DLC1: variants seen among roughly 807,000 people sequenced by gnomAD.
DLC1 encodes rho GTPase-activating protein 7.
A neutral mutation model predicts 140.3 loss-of-function variants in DLC1; 54 were observed. That is an observed-to-expected ratio of 0.38 (90% CI 0.31 to 0.48). DLC1 has a LOEUF of 0.48. Among genes scored for constraint, DLC1 ranks in the 20% least tolerant of loss-of-function variants. The pLI is 0.96. For missense variants in DLC1, 2,536 were observed against 1,907.0 expected, an observed-to-expected ratio of 1.33 and a Z score of -6.14; for synonymous variants, 986 against 728.1, an observed-to-expected ratio of 1.35 and a Z score of -5.70.
At position 13,099,470 on chromosome 8, in the gene DLC1, T is replaced by C; in HGVS notation, c.2867A>G (p.Asn956Ser). Residue 956 changes from asparagine to serine, a missense_variant, in exon 9 of 18, where the codon AAC becomes AGC. Physicochemically the swap from Asn to Ser is conservative, Grantham distance 46 (BLOSUM62 1). Transcript: ENST00000276297. ...SPKQIHLDVD[N>S]DRTTPSDLDS... ...CAGGTCGCTGGGTGTGGTTCGGTCG[T>C]TGTCCACATCCAGGTGTATCTGTTT... The C allele has an allele frequency of 1.2e-6, 2 of 1,614,124 alleles. No homozygotes were observed. The highest frequency in any genetic ancestry group is 1.7e-6 in the Non-Finnish European group (2 of 1,180,022).
intron 5 of DLC1, chr8:13,116,338 C>T (rs1820556409): frequency 6.8e-6 from 4 of 586,538 alleles, no homozygotes; most frequent in Admixed American, 6.3e-5. Context: ...AACAGAAAGG[C>T]CAAGAGCAAC....
rs915568181 is a variant in DLC1 at position 13,531,596 on chromosome 8, C to G, written c.-125-31400G>C. Among the ~76,000 whole-genome samples the G allele has an allele frequency of 2.2e-5, 3 of 138,414 alleles. No homozygotes were observed. The East Asian group carries it at 5.8e-4, about 27-fold the overall frequency. 90.8% of individuals were successfully genotyped at this position (138,414 alleles called of 152,430 possible). ...GTGAGACTGTCTAAAAACAAACAAA[C>G]CAAAAAACCCTTAATACTAGCAACT... On this transcript the variant is annotated intron_variant, in intron 1 of 1. Transcript: ENST00000631382.
intron 1 of DLC1, among the ~76,000 whole-genome samples, chr8:13,545,925 C>G (rs1332125797): frequency 1.3e-5 from 2 of 151,904 alleles, no homozygotes; most frequent in South Asian, 2.1e-4. Context: ...ATTTTTGCAG[C>G]CTTAAACATA....
intron 4 of DLC1, among the ~76,000 whole-genome samples, chr8:13,372,777 T>C (rs993600846): frequency 6.6e-6 from 1 of 152,204 alleles, no homozygotes; most frequent in Non-Finnish European, 1.5e-5. Flanking sequence ...GTTTTATTTA[T>C]ATAGAAAAGG....
chr8:13,449,681 G>C (rs1460753098), intron 2 of DLC1, among the ~76,000 whole-genome samples: 1 of 147,100 alleles, frequency 6.8e-6, no homozygotes, highest in Admixed American at 6.8e-5. Flanking sequence ...GGGGTGGGGG[G>C]ATGGGGGAGG....
At chr8:13,307,519 T>C (rs948870910) in intron 4 of DLC1, among the ~76,000 whole-genome samples, 1 of 152,238 alleles carries the variant, frequency 6.6e-6, no homozygotes, top group African/African-American at 2.4e-5. Flanking sequence ...ATGTATTAAA[T>C]GTTAAGTCTA....
intron 4 of DLC1, among the ~76,000 whole-genome samples, chr8:13,334,673 GA>G (rs1426777457): frequency 6.6e-6 from 1 of 152,140 alleles, no homozygotes; most frequent in African/African-American, 2.4e-5. Flanking sequence ...GTCATTTGAA[GA>G]AAAGAGAAGA....
chr8:13,461,489 A>G lies in DLC1; in HGVS notation c.1023+37560T>C, dbSNP rs772387485. Among the ~76,000 whole-genome samples the G allele has an allele frequency of 6.6e-4, 101 of 152,118 alleles. 1 individual carries two copies. Among genetic ancestry groups the G allele is most frequent in the Non-Finnish European group, 1.1e-3 (76 of 68,014 alleles). Reference sequence around the variant, plus strand: ...GCAGGCCTCTGCCTTTAGGTGATAAACACTGTGGAGTCTATCAACTTCCAT... The same window carrying G: ...GCAGGCCTCTGCCTTTAGGTGATAAGCACTGTGGAGTCTATCAACTTCCAT... On this transcript the variant is annotated intron_variant, in intron 2 of 17. Coordinates refer to ENST00000276297, the MANE Select transcript of DLC1 (RefSeq NM_182643.3).
rs17090855 is a variant in DLC1 at position 13,314,866 on chromosome 8, C to A, written c.1315-9564G>T. Among the ~76,000 whole-genome samples, 5 of 152,152 alleles carry A rather than the reference C, an allele frequency of 3.3e-5. No individual in the cohort carries two copies. In the South Asian group the frequency reaches 6.2e-4, roughly 19 times the overall value. ...GGCTCTTGGCTGGAGCCCAGAAACA[C>A]TTTTATTACAGGGAGATATTCATTG... On this transcript the variant is annotated intron_variant, in intron 4 of 17. Transcript: ENST00000276297.
intron 1 of DLC1, among the ~76,000 whole-genome samples, chr8:13,508,484 C>G (rs1401401297): frequency 6.6e-6 from 1 of 151,040 alleles, no homozygotes; most frequent in Non-Finnish European, 1.5e-5. Flanking sequence ...GTGGCGCGAT[C>G]TGGGCTCACT....
At chr8:13,105,113 T>A (rs1031067014) in intron 7 of DLC1, among the ~76,000 whole-genome samples, 3 of 152,198 alleles carry the variant, frequency 2.0e-5, no homozygotes, top group Non-Finnish European at 1.5e-5. Flanking sequence ...CAGAGGCCTA[T>A]GGGGCTGGAG....
chr8:13,493,815 T>G (rs1801375207), intron 2 of DLC1, among the ~76,000 whole-genome samples: 1 of 152,208 alleles, frequency 6.6e-6, no homozygotes, highest in South Asian at 2.1e-4. Flanking sequence ...TTGGTCAATG[T>G]TATCCTCCCC....
chr8:13,163,304 A>G (rs1417757305), intron 5 of DLC1, among the ~76,000 whole-genome samples: 5 of 152,202 alleles, frequency 3.3e-5, no homozygotes. Context: ...GGTAAATTGC[A>G]TGCTCAGCTG....
chr8:13,523,353 T>C (rs559714047), intron 1 of DLC1, among the ~76,000 whole-genome samples: 1 of 152,236 alleles, frequency 6.6e-6, no homozygotes, highest in East Asian at 1.9e-4. Context: ...AACTGAAAGA[T>C]GGAGTCATCA....
intron 5 of DLC1, among the ~76,000 whole-genome samples, chr8:13,208,505 A>G (rs1431471772): frequency 2.6e-5 from 4 of 152,164 alleles, no homozygotes; most frequent in African/African-American, 7.2e-5. Flanking sequence ...TCACAATATC[A>G]GTTTTAAAGG....
At chr8:13,458,332 A>C (rs1799507624) in intron 2 of DLC1, among the ~76,000 whole-genome samples, 2 of 152,232 alleles carry the variant, frequency 1.3e-5, no homozygotes, top group African/African-American at 4.8e-5. Context: ...AAGAGCACAA[A>C]AAATGAGGTG....
At chr8:13,442,614 T>G (rs1322511596) in intron 2 of DLC1, among the ~76,000 whole-genome samples, 1 of 152,192 alleles carries the variant, frequency 6.6e-6, no homozygotes, top group Non-Finnish European at 1.5e-5. Flanking sequence ...ATGCTCATCA[T>G]CACTGGCCAT....
intron 5 of DLC1, among the ~76,000 whole-genome samples, chr8:13,145,781 A>T (rs1180035634): frequency 6.6e-6 from 1 of 152,234 alleles, no homozygotes; most frequent in East Asian, 1.9e-4. Context: ...AAGAGCTTAC[A>T]TAATTTTCAA....
chr8:13,133,990 C>T (rs530644218), intron 5 of DLC1, among the ~76,000 whole-genome samples: 2 of 152,274 alleles, frequency 1.3e-5, no homozygotes, highest in South Asian at 2.1e-4. Context: ...GGTCACAGCC[C>T]GTGTTTCTCA....
Sources: allele counts gnomAD v4.1 joint callset (sites outside exome capture counted in the v4.1 genomes callset), GRCh38; gene constraint gnomAD v4.1.1; transcripts MANE v1.5; gene names NCBI Gene and HGNC (gene_info 2026-07-23, HGNC 2026-07-21).